Variants in PPP4R3A observed in about 807,000 individuals in gnomAD.
PPP4R3A encodes the protein serine/threonine-protein phosphatase 4 regulatory subunit 3A.
PPP4R3A carries 15 observed loss-of-function variants against 91.7 expected under a neutral mutation model. The ratio of observed to expected loss-of-function variants is 0.16; its 90% CI spans 0.11 to 0.25. PPP4R3A has a LOEUF of 0.25. PPP4R3A is among the 10% of genes least tolerant of loss of function. PPP4R3A has a pLI of 1.00. For missense variants in PPP4R3A, 623 were observed against 998.4 expected (o/e 0.62, Z 5.07); for synonymous variants, 377 against 348.7 (o/e 1.08, Z -0.91).
Position 91,497,379 on chromosome 14 carries a change from C to CACGA in PPP4R3A, c.143-6578_143-6577insTCGT, listed in dbSNP as rs33956328. 6.0e-5 allele frequency among the ~76,000 whole-genome samples: 8 copies of CACGA among 134,328 alleles called. No homozygotes were observed. The South Asian group carries it at 1.2e-3, about 20-fold the overall frequency. The allele number at this position is 134,328 out of a possible 152,430, so 88.1% of individuals were successfully genotyped here. On this transcript the variant is annotated intron_variant, in intron 1 of 14. Transcript: ENST00000554943. ...ACACACACACACACACACACACACA[C>CACGA]GATACCTTTTCCCACACATCTGAGA...
chr14:91,504,539 T>C (rs1595092596), intron 1 of PPP4R3A, among the ~76,000 whole-genome samples: 4 of 150,270 alleles, frequency 2.7e-5, no homozygotes, highest in African/African-American at 9.8e-5. Flanking sequence ...GAAGCGGAGG[T>C]TGCAGTGAGC....
intron 6 of PPP4R3A, 136 bp from the exon 7 acceptor site, chr14:91,476,102 A>T: frequency 2.4e-6 from 2 of 839,898 alleles, no homozygotes; most frequent in Non-Finnish European, 1.8e-6. Context: ...TTCTGCATAT[A>T]AAACTCTTAT....
rs1482481499 is a variant in PPP4R3A, at chr14:91,509,650, T to C, written c.-3A>G. Reference sequence around the variant, plus strand: ...ACCCGCCGCCGGGTGTCGGTCATCGTGCCGCCCGGGAACCGGGGCGGGGGC... The same window carrying C: ...ACCCGCCGCCGGGTGTCGGTCATCGCGCCGCCCGGGAACCGGGGCGGGGGC... On this transcript the variant is annotated 5_prime_UTR_variant, in exon 1 of 15. Transcript: ENST00000554943. 1 of 1,595,054 alleles carries C rather than the reference T, an allele frequency of 6.3e-7. No individual in the cohort carries two copies. Among genetic ancestry groups the C allele is most frequent in the Non-Finnish European group, 8.5e-7 (1 of 1,177,264 alleles).
intron 11 of PPP4R3A, among the ~76,000 whole-genome samples, chr14:91,464,013 G>A (rs1192808866): frequency 2.0e-5 from 3 of 152,116 alleles, no homozygotes; most frequent in Non-Finnish European, 2.9e-5. Context: ...ACACACAACA[G>A]CCATGCGTAT....
At chr14:91,459,298 G>A (rs1410481789) in intron 14 of PPP4R3A, among the ~76,000 whole-genome samples, 1 of 151,974 alleles carries the variant, frequency 6.6e-6, no homozygotes, top group Non-Finnish European at 1.5e-5. Flanking sequence ...TAGAGACAGG[G>A]TTTTGTCATG....
At chr14:91,472,904 C>T in intron 9 of PPP4R3A, 129 bp downstream of exon 9, 1 of 765,932 alleles carries the variant, frequency 1.3e-6, no homozygotes, top group Non-Finnish European at 2.2e-6. Context: ...AAGACTACTA[C>T]TTTTTAAAAG....
intron 2 of PPP4R3A, among the ~76,000 whole-genome samples, chr14:91,487,901 C>T (rs1024844567): frequency 6.6e-6 from 1 of 152,088 alleles, no homozygotes; most frequent in Non-Finnish European, 1.5e-5. Context: ...TTTGTAGAGG[C>T]GGAGTTATGC....
chr14:91,470,854 T>C lies in PPP4R3A; in HGVS notation c.1643A>G (p.His548Arg). The change falls in exon 10 of 15, where the codon CAT (histidine) becomes CGT (arginine). Residue 548 changes from histidine (H) to arginine (R), a missense_variant. Transcript: ENST00000554943. Reference sequence around the variant, plus strand: ...ACACTTACATAATGCCAAGAAAGCATGCTTCGAGGCCATAAGAACTAGCAC... The same window carrying C: ...ACACTTACATAATGCCAAGAAAGCACGCTTCGAGGCCATAAGAACTAGCAC... ...RRVLVLMASK[H>R]AFLALCALRF... 6.2e-7 allele frequency: 1 copy of C among 1,607,044 alleles called. No individual in the cohort carries two copies. Among genetic ancestry groups the C allele is most frequent in the Non-Finnish European group, 8.5e-7 (1 of 1,178,476 alleles).
At chr14:91,500,832 A>G (rs1478673858) in intron 1 of PPP4R3A, among the ~76,000 whole-genome samples, 1 of 152,164 alleles carries the variant, frequency 6.6e-6, no homozygotes, top group Non-Finnish European at 1.5e-5. Flanking sequence ...GACCAGCTCA[A>G]GACCAGCCCG....
rs146749484 is a variant in PPP4R3A at position 91,509,098 on chromosome 14, C to T, written c.142+408G>A. The stretch of plus-strand genomic sequence containing the variant: ...GTGAAAGGTCCAAGAACTTTCTTAG[C>T]TCCAAGCAAAGTTTCATGCCTGCTT... On this transcript the variant is annotated intron_variant, in intron 1 of 14. Transcript: ENST00000554943. 1.4e-3 allele frequency among the ~76,000 whole-genome samples: 215 copies of T among 152,318 alleles called. 2 individuals carry two copies. The highest frequency in any genetic ancestry group is 2.4e-3 in the Non-Finnish European group (162 of 68,026).
intron 14 of PPP4R3A, among the ~76,000 whole-genome samples, chr14:91,461,051 TATTA>T (rs1184672174): frequency 6.6e-6 from 1 of 152,216 alleles, no homozygotes; most frequent in East Asian, 1.9e-4. Context: ...TTTATCTGGG[TATTA>T]GTTAGGAACA....
At chr14:91,482,650 G>A (rs1889642411) in intron 3 of PPP4R3A, among the ~76,000 whole-genome samples, 3 of 152,028 alleles carry the variant, frequency 2.0e-5, no homozygotes, top group Admixed American at 2.0e-4. Flanking sequence ...CTGAGGTGAA[G>A]ACCAAATAAA....
At chr14:91,463,596 G>C (rs1888295667) in intron 11 of PPP4R3A, among the ~76,000 whole-genome samples, 1 of 151,930 alleles carries the variant, frequency 6.6e-6, no homozygotes, top group Non-Finnish European at 1.5e-5. Context: ...ACCATACGGG[G>C]CTAAGTTTTA....
chr14:91,493,550 T>G (rs1034404959), intron 1 of PPP4R3A, among the ~76,000 whole-genome samples: 1 of 150,160 alleles, frequency 6.7e-6, no homozygotes, highest in Non-Finnish European at 1.5e-5. Flanking sequence ...TCCCAGCACT[T>G]TGGGAGGTCG....
Position 91,470,919 on chromosome 14 carries a change from G to A in PPP4R3A, c.1578C>T (p.His526=), listed in dbSNP as rs777448570. 6.2e-7 allele frequency: 1 copy of A among 1,612,480 alleles called. No homozygotes were observed. Among genetic ancestry groups the A allele is most frequent in the East Asian group, 2.2e-5 (1 of 44,832 alleles). The change falls in exon 10 of 15, where the codon CAC becomes CAT. Residue 526 remains histidine, a synonymous_variant. Transcript: ENST00000554943. The part of the protein sequence containing the change: ...LTFCVEHHTY[H]IKNYIINKDI... ...CCTTATTAATAATGTAGTTCTTTAT[G>A]TGGTAGGTATGGTGCTCCACACAAA...
At chr14:91,482,293 A>G in intron 3 of PPP4R3A, 100 bp from the exon 4 acceptor site, 1 of 1,300,862 alleles carries the variant, frequency 7.7e-7, no homozygotes, top group Non-Finnish European at 1.0e-6. Flanking sequence ...TAAGAAACCT[A>G]TAATGGTCAT....
At chr14:91,474,029 A>G (rs1205246255) in intron 7 of PPP4R3A, among the ~76,000 whole-genome samples, 2 of 152,136 alleles carry the variant, frequency 1.3e-5, no homozygotes, top group Non-Finnish European at 2.9e-5. Flanking sequence ...TCAGCCTCCC[A>G]AAGTGCTGGG....
At chr14:91,477,460 GTGTT>G (rs1190828120) in intron 4 of PPP4R3A, among the ~76,000 whole-genome samples, 6 of 152,178 alleles carry the variant, frequency 3.9e-5, no homozygotes, top group Non-Finnish European at 8.8e-5. Context: ...AGCTACTTTA[GTGTT>G]TTAAAGATAC....
intron 2 of PPP4R3A, among the ~76,000 whole-genome samples, chr14:91,489,540 C>T (rs1890110707): frequency 6.6e-6 from 1 of 152,114 alleles, no homozygotes; most frequent in Admixed American, 6.5e-5. Flanking sequence ...GCAACTTTTC[C>T]CCAAATTATC....
Sources: gnomAD v4.1 joint callset for allele counts (sites outside exome capture counted in the v4.1 genomes callset) on GRCh38, gnomAD v4.1.1 for gene constraint, MANE v1.5 for transcripts, NCBI Gene and HGNC (gene_info 2026-07-23, HGNC 2026-07-21) for gene names.